Variants in RALGPS2 observed in about 807,000 individuals in gnomAD.
RALGPS2 encodes the protein ras-specific guanine nucleotide-releasing factor RalGPS2.
RALGPS2 carries 43 observed loss-of-function variants against 86.8 expected under a neutral mutation model. That is an observed-to-expected ratio of 0.50 (90% confidence interval 0.39 to 0.64). RALGPS2 has a LOEUF of 0.64. RALGPS2 is among the 30% of genes least tolerant of loss of function. RALGPS2 has a pLI of 0.00. For synonymous variants in RALGPS2, 243 were observed against 231.3 expected, an observed-to-expected ratio of 1.05 and a Z score of -0.46; for missense variants, 536 against 694.6, an observed-to-expected ratio of 0.77 and a Z score of 2.57.
chr1:178,835,813 ACC>A (rs1656246241), intron 8 of RALGPS2, among the ~76,000 whole-genome samples: 1 of 152,224 alleles, frequency 6.6e-6, no homozygotes, highest in African/African-American at 2.4e-5. Context: ...TGAAGTCTTA[ACC>A]TAGAGAGCTC....
In RALGPS2 at chr1:178,808,042, CA is replaced by C; in HGVS notation, c.214-2del. The C allele has an allele frequency of 6.3e-7, 1 of 1,596,132 alleles. No individual in the cohort carries two copies. Among genetic ancestry groups the C allele is most frequent in the South Asian group, 1.1e-5 (1 of 90,038 alleles). On this transcript the variant is annotated splice_acceptor_variant, in intron 4 of 19. Transcript: ENST00000367635. LOFTEE classifies it high-confidence loss of function. ...AAATTTAATTTTCACCTTAATTTTC[CA>C]GGAGCTTTCAAGTTGTGGATGGAAT...
At chr1:178,748,937 G>A (rs901782026) in intron 1 of RALGPS2, among the ~76,000 whole-genome samples, 4 of 151,314 alleles carry the variant, frequency 2.6e-5, no homozygotes, top group African/African-American at 9.7e-5. Context: ...TACTATATAT[G>A]TACTTTGAAC....
intron 17 of RALGPS2, among the ~76,000 whole-genome samples, chr1:178,898,754 A>G (rs1374853159): frequency 1.3e-5 from 2 of 151,956 alleles, no homozygotes; most frequent in African/African-American, 4.8e-5. Context: ...CTATTATTAT[A>G]TAATTGTTAA....
At chr1:178,810,200 G>A (rs1217515197) in intron 5 of RALGPS2, among the ~76,000 whole-genome samples, 1 of 151,920 alleles carries the variant, frequency 6.6e-6, no homozygotes, top group Non-Finnish European at 1.5e-5. Flanking sequence ...CTTGGGCAAC[G>A]TGGTGAAACC....
At chr1:178,862,370 G>A (rs962931655) in intron 8 of RALGPS2, among the ~76,000 whole-genome samples, 2 of 152,032 alleles carry the variant, frequency 1.3e-5, no homozygotes, top group African/African-American at 2.4e-5. Context: ...TTTAGCAACT[G>A]CAGGTAAGAC....
In RALGPS2 at chr1:178,833,353, C is replaced by T; in HGVS notation, c.481-71C>T. 3 of 1,337,176 alleles carry T rather than the reference C, an allele frequency of 2.2e-6. No individual in the cohort carries two copies. The South Asian group carries it at 5.7e-5, about 25-fold the overall frequency. 82.8% of individuals were successfully genotyped at this position (1,337,176 alleles called of 1,614,324 possible). On this transcript the variant is annotated intron_variant, in intron 7 of 19. Coordinates refer to ENST00000367635, the MANE Select transcript of RALGPS2 (RefSeq NM_152663.5). ...AAATCCATATTCACAGTAAATACAA[C>T]TTCAGTTCAGGTCTTTGCTACAATA...
intron 8 of RALGPS2, among the ~76,000 whole-genome samples, chr1:178,862,619 TTATTTA>T (rs1658111292): frequency 1.3e-5 from 2 of 151,260 alleles, no homozygotes; most frequent in African/African-American, 4.9e-5. Context: ...ATTTATTTAT[TTATTTA>T]TTTATTTGGT....
rs534357976 is a variant in RALGPS2 at position 178,862,159 on chromosome 1, C to T, written c.608-15339C>T. Among the ~76,000 whole-genome samples the T allele has an allele frequency of 3.9e-5, 6 of 152,210 alleles. No individual in the cohort carries two copies. The South Asian group carries it at 1.0e-3, about 26-fold the overall frequency. On this transcript the variant is annotated intron_variant, in intron 8 of 19. Coordinates refer to ENST00000367635, the MANE Select transcript of RALGPS2 (RefSeq NM_152663.5). ...AAGTGTTGAGATTACAGGCATGAGC[C>T]ACCATGCCCGGCGAGGATATTAATA...
At position 178,794,671 on chromosome 1, in the gene RALGPS2, A is replaced by G. The variant is rs115087454; in HGVS notation, c.213+9064A>G. Among the ~76,000 whole-genome samples the G allele has an allele frequency of 6.1e-3, 928 of 152,332 alleles. 10 individuals are homozygous for G. The highest frequency in any genetic ancestry group is 0.021 in the African/African-American group (887 of 41,572). ...CAGAATGAACTTTCTGTTACTAAGC[A>G]CAAGGTGAGTTATGACAAAAAGGTG... On this transcript the variant is annotated intron_variant, in intron 4 of 19. Transcript: ENST00000367635.
At chr1:178,872,977 A>G (rs901919746) in intron 8 of RALGPS2, among the ~76,000 whole-genome samples, 1 of 152,208 alleles carries the variant, frequency 6.6e-6, no homozygotes, top group Non-Finnish European at 1.5e-5. Context: ...ATGACAGACC[A>G]TGATACCAAT....
At chr1:178,851,702 A>G (rs1305631834) in intron 8 of RALGPS2, among the ~76,000 whole-genome samples, 2 of 152,204 alleles carry the variant, frequency 1.3e-5, no homozygotes, top group African/African-American at 2.4e-5. Flanking sequence ...GCAAAAAATA[A>G]TACAAAGTAA....
At chr1:178,835,250 A>G (rs966879782) in intron 8 of RALGPS2, among the ~76,000 whole-genome samples, 4 of 152,278 alleles carry the variant, frequency 2.6e-5, no homozygotes, top group African/African-American at 9.6e-5. Context: ...CAATTCCACA[A>G]TGACTCTACA....
rs532467977 is a variant in RALGPS2, at chr1:178,795,895, G to A, written c.213+10288G>A. 3.5e-4 allele frequency among the ~76,000 whole-genome samples: 53 copies of A among 152,158 alleles called. 1 individual carries two copies. The highest frequency in any genetic ancestry group is 6.8e-3 in the Middle Eastern group (2 of 294). On this transcript the variant is annotated intron_variant, in intron 4 of 19. Transcript: ENST00000367635. The stretch of plus-strand genomic sequence containing the variant: ...TTGTTTTAATGAAAATTAATCATTT[G>A]CCTTAAAATTAAAATATAAACAATT...
At chr1:178,759,316 A>G (rs769242791) in intron 1 of RALGPS2, among the ~76,000 whole-genome samples, 24 of 152,030 alleles carry the variant, frequency 1.6e-4, no homozygotes, top group Non-Finnish European at 3.1e-4. Flanking sequence ...AGCCCTGTTT[A>G]TTGAAGAGAC....
At chr1:178,840,926 T>C (rs1339928412) in intron 8 of RALGPS2, among the ~76,000 whole-genome samples, 1 of 152,106 alleles carries the variant, frequency 6.6e-6, no homozygotes, top group Non-Finnish European at 1.5e-5. Flanking sequence ...CCTGGACACA[T>C]ACACCCTCCC....
Position 178,902,129 on chromosome 1 carries a change from C to G in RALGPS2, c.1548C>G (p.Asn516Lys), listed in dbSNP as rs760451241. The change falls in exon 18 of 20, where the codon AAC becomes AAG. Residue 516 changes from asparagine (N) to lysine (K), a missense_variant. Asn to Lys is a moderately conservative substitution (Grantham distance 94). This residue lies in a region of RALGPS2 where 309 missense variants were observed against 363.0 expected (regional missense o/e 0.85). Transcript: ENST00000367635. ...RKHFKSTSNKNVSVIGWMVMM... is the reference protein window; with the variant it reads ...RKHFKSTSNKKVSVIGWMVMM... ...AGTTCAAATCAACATCCAATAAGAA[C>G]GTATCTGTGATAGGATGGATGGTGA... The G allele has an allele frequency of 1.2e-6, 2 of 1,612,164 alleles. No individual in the cohort carries two copies. Among genetic ancestry groups the G allele is most frequent in the South Asian group, 2.2e-5 (2 of 91,014 alleles).
chr1:178,907,703 G>A lies in RALGPS2; in HGVS notation c.1722+836G>A, dbSNP rs561152054. Among the ~76,000 whole-genome samples the A allele has an allele frequency of 3.3e-5, 5 of 152,292 alleles. No individual in the cohort carries two copies. The East Asian group carries it at 9.6e-4, about 29-fold the overall frequency. On this transcript the variant is annotated intron_variant, in intron 19 of 19. Coordinates refer to ENST00000367635, the MANE Select transcript of RALGPS2 (RefSeq NM_152663.5). ...TTGAAAATCATTGACTTAGCATATTGATAATGCAGAAGTCTATGGTTAGCA... is the reference window on the plus strand; with the variant it reads ...TTGAAAATCATTGACTTAGCATATTAATAATGCAGAAGTCTATGGTTAGCA...
intron 2 of RALGPS2, among the ~76,000 whole-genome samples, chr1:178,779,517 T>C (rs895133668): frequency 1.3e-5 from 2 of 152,194 alleles, no homozygotes; most frequent in African/African-American, 2.4e-5. Context: ...GTTTTTGTTA[T>C]GTAGATGATT....
At chr1:178,849,242 T>G (rs559537343) in intron 8 of RALGPS2, among the ~76,000 whole-genome samples, 1 of 152,160 alleles carries the variant, frequency 6.6e-6, no homozygotes, top group African/African-American at 2.4e-5. Flanking sequence ...CAGTTCTGAC[T>G]TCAGAACCTA....
Sources: allele counts gnomAD v4.1 joint callset (sites outside exome capture counted in the v4.1 genomes callset), GRCh38; gene constraint gnomAD v4.1.1; regional missense constraint gnomAD v4.1.1; transcripts MANE v1.5; gene names NCBI Gene and HGNC (gene_info 2026-07-23, HGNC 2026-07-21).